FGF12: variants seen among roughly 807,000 people sequenced by gnomAD.
FGF12 encodes the protein fibroblast growth factor 12B.
A neutral mutation model predicts 23.6 loss-of-function variants in FGF12; 14 were observed. That is an observed-to-expected ratio of 0.59 (90% CI 0.39 to 0.93). FGF12 has a LOEUF of 0.93. FGF12 is among the 40% of genes least tolerant of loss of function. FGF12 has a pLI of 0.00. For missense variants in FGF12, 175 were observed against 217.8 expected (o/e 0.80, Z 1.24); for synonymous variants, 62 against 77.3 (o/e 0.80, Z 1.04).
intron 2 of FGF12, among the ~76,000 whole-genome samples, chr3:192,636,534 A>G (rs960617253): frequency 2.6e-5 from 4 of 152,216 alleles, no homozygotes; most frequent in Non-Finnish European, 5.9e-5. Context: ...GTGTCATGCT[A>G]CATCTTTACT....
At chr3:192,398,884 CCTT>C (rs1289473771) in intron 2 of FGF12, among the ~76,000 whole-genome samples, 1 of 152,188 alleles carries the variant, frequency 6.6e-6, no homozygotes, top group Non-Finnish European at 1.5e-5. Flanking sequence ...CCTTCAGAAT[CCTT>C]CTTCCTCTGA....
chr3:192,686,815 A>ATTTTTTTTTTTTTT (rs57045697), intron 2 of FGF12, among the ~76,000 whole-genome samples: 2 of 61,436 alleles, frequency 3.3e-5, no homozygotes, highest in Admixed American at 4.4e-4. Flanking sequence ...TTTTTCTCTA[A>ATTTTTTTTTTTTTT]TTTTTTTTTT....
chr3:192,328,785 A>G (rs1383334589), intron 4 of FGF12, among the ~76,000 whole-genome samples: 2 of 152,208 alleles, frequency 1.3e-5, no homozygotes, highest in African/African-American at 4.8e-5. Context: ...TATGATTATA[A>G]GAGCAAACTA....
At chr3:192,632,364 G>A (rs1299601441) in intron 2 of FGF12, among the ~76,000 whole-genome samples, 2 of 152,138 alleles carry the variant, frequency 1.3e-5, no homozygotes, top group Non-Finnish European at 2.9e-5. Flanking sequence ...ACCACTGCCA[G>A]AAAGTAAAAA....
intron 2 of FGF12, among the ~76,000 whole-genome samples, chr3:192,685,212 G>A (rs757968477): frequency 2.6e-5 from 4 of 151,908 alleles, no homozygotes; most frequent in African/African-American, 4.8e-5. Flanking sequence ...CACCACGCCC[G>A]GCTAATTTTT....
chr3:192,720,454 C>A (rs1719002052), intron 2 of FGF12, among the ~76,000 whole-genome samples: 1 of 152,096 alleles, frequency 6.6e-6, no homozygotes, highest in African/African-American at 2.4e-5. Context: ...GAGACTATTT[C>A]AAAAAGTAAC....
At chr3:192,588,067 C>T (rs1245375501) in intron 2 of FGF12, among the ~76,000 whole-genome samples, 3 of 151,364 alleles carry the variant, frequency 2.0e-5, no homozygotes, top group African/African-American at 4.8e-5. Flanking sequence ...GAATCCAGGC[C>T]GGGCGCAGCA....
chr3:192,266,575 G>A (rs1713090048), intron 4 of FGF12, among the ~76,000 whole-genome samples: 2 of 152,006 alleles, frequency 1.3e-5, no homozygotes, highest in Admixed American at 1.3e-4. Flanking sequence ...CTTGGCTTTA[G>A]GGTATAAATT....
intron 2 of FGF12, among the ~76,000 whole-genome samples, chr3:192,620,670 T>C (rs1275447877): frequency 3.3e-5 from 5 of 152,162 alleles, no homozygotes; most frequent in Non-Finnish European, 7.4e-5. Context: ...TCTTATTTTC[T>C]TTATGAGGTC....
chr3:192,183,321 C>A (rs1716282732), intron 4 of FGF12, among the ~76,000 whole-genome samples: 1 of 152,090 alleles, frequency 6.6e-6, no homozygotes, highest in Non-Finnish European at 1.5e-5. Flanking sequence ...TGCTCAGACT[C>A]AATCAAGCCT....
chr3:192,185,919 T>C (rs1716437913), intron 4 of FGF12, among the ~76,000 whole-genome samples: 1 of 151,964 alleles, frequency 6.6e-6, no homozygotes, highest in African/African-American at 2.4e-5. Flanking sequence ...AATAACCATT[T>C]AATTTTTCAG....
At chr3:192,694,560 TATACAC>T (rs887714482) in intron 2 of FGF12, among the ~76,000 whole-genome samples, 1 of 151,940 alleles carries the variant, frequency 6.6e-6, no homozygotes, top group African/African-American at 2.4e-5. Flanking sequence ...TGTGTACATA[TATACAC>T]ATACATATAT....
chr3:192,452,128 T>C (rs1244534465), intron 2 of FGF12, among the ~76,000 whole-genome samples: 1 of 152,226 alleles, frequency 6.6e-6, no homozygotes, highest in Non-Finnish European at 1.5e-5. Context: ...TGAGGTAAGC[T>C]ATAGGTTTTT....
At chr3:192,287,656 G>A (rs922190763) in intron 4 of FGF12, among the ~76,000 whole-genome samples, 3 of 151,960 alleles carry the variant, frequency 2.0e-5, no homozygotes, top group African/African-American at 7.2e-5. Flanking sequence ...GTGACTCTGA[G>A]AATGTAAATG....
intron 2 of FGF12, among the ~76,000 whole-genome samples, chr3:192,407,859 A>T (rs183548493): frequency 2.0e-5 from 3 of 152,374 alleles, no homozygotes; most frequent in Admixed American, 2.0e-4. Context: ...TGGGGCAAGA[A>T]GCTATTAACT....
intron 2 of FGF12, among the ~76,000 whole-genome samples, chr3:192,692,763 G>A (rs1193280673): frequency 6.6e-6 from 1 of 150,402 alleles, no homozygotes; most frequent in Non-Finnish European, 1.5e-5. Flanking sequence ...ATTTGACAAA[G>A]TTTGACATCG....
intron 2 of FGF12, among the ~76,000 whole-genome samples, chr3:192,574,063 A>C (rs1239781117): frequency 6.6e-6 from 1 of 152,234 alleles, no homozygotes; most frequent in East Asian, 1.9e-4. Context: ...CAGATTAAAC[A>C]TTATCGTTGA....
At chr3:192,149,055 G>A (rs1462740304) in intron 5 of FGF12, among the ~76,000 whole-genome samples, 2 of 152,140 alleles carry the variant, frequency 1.3e-5, no homozygotes, top group Non-Finnish European at 2.9e-5. Context: ...AATTTAAACC[G>A]TGAACATCAT....
intron 2 of FGF12, among the ~76,000 whole-genome samples, chr3:192,680,400 A>G (rs540729893): frequency 1.3e-5 from 2 of 152,304 alleles, no homozygotes; most frequent in African/African-American, 4.8e-5. Flanking sequence ...CTATAAACCC[A>G]ACGGACTCCA....
Sources: gnomAD v4.1 joint callset for allele counts (sites outside exome capture counted in the v4.1 genomes callset) on GRCh38, gnomAD v4.1.1 for gene constraint, MANE v1.5 for transcripts, NCBI Gene and HGNC (gene_info 2026-07-23, HGNC 2026-07-21) for gene names.